Variants in PAK1 observed in about 807,000 individuals in gnomAD.
The protein encoded by PAK1 is p21 (RAC1) activated kinase 1.
Under a neutral mutation model 67.4 loss-of-function variants are expected in PAK1, and 29 were observed. The observed-to-expected ratio is 0.43, with a 90% CI of 0.32 to 0.59. The LOEUF (loss-of-function observed/expected upper bound fraction) is 0.59, where lower values mean the gene tolerates loss of function less well. Among genes scored for constraint, PAK1 ranks in the 20% least tolerant of loss-of-function variants. The pLI, the probability that PAK1 is intolerant of heterozygous loss-of-function variation, is 0.07. For synonymous variants in PAK1, 223 were observed against 237.4 expected, an observed-to-expected ratio of 0.94 and a Z score of 0.56; for missense variants, 337 against 670.7, an observed-to-expected ratio of 0.50 and a Z score of 5.50.
At chr11:77,402,412 GA>G (rs1297397651) in intron 1 of PAK1, among the ~76,000 whole-genome samples, 2 of 152,120 alleles carry the variant, frequency 1.3e-5, no homozygotes, top group Admixed American at 6.5e-5. Flanking sequence ...GTTACTTCCA[GA>G]AACCAATATT....
intron 1 of PAK1, among the ~76,000 whole-genome samples, chr11:77,433,462 A>G (rs1955956125): frequency 6.6e-6 from 1 of 152,194 alleles, no homozygotes; most frequent in Non-Finnish European, 1.5e-5. Flanking sequence ...TGTATCCAGG[A>G]TATATAAAGA....
intron 1 of PAK1, among the ~76,000 whole-genome samples, chr11:77,399,171 A>G (rs2137634700): frequency 6.6e-6 from 1 of 152,360 alleles, no homozygotes; most frequent in East Asian, 1.9e-4. Flanking sequence ...AGGAAGACAG[A>G]TAGATAGGTA....
At chr11:77,330,011 T>C (rs1189680551) in intron 14 of PAK1, among the ~76,000 whole-genome samples, 3 of 151,904 alleles carry the variant, frequency 2.0e-5, no homozygotes, top group Non-Finnish European at 2.9e-5. Flanking sequence ...GAGAGCCAAA[T>C]CATGAGTGAA....
intron 5 of PAK1, among the ~76,000 whole-genome samples, chr11:77,367,806 G>A (rs1249801546): frequency 6.6e-5 from 10 of 152,148 alleles, no homozygotes; most frequent in East Asian, 5.8e-4. Context: ...GTGAAACCCC[G>A]TCTCTACTAA....
rs1387801499 is a variant in PAK1, at chr11:77,422,606, T to C, written c.-21-30065A>G. Among the ~76,000 whole-genome samples, 9 of 151,188 alleles carry C rather than the reference T, an allele frequency of 6.0e-5. No individual in the cohort carries two copies. In the East Asian group the frequency reaches 1.2e-3, roughly 20 times the overall value. On this transcript the variant is annotated intron_variant, in intron 1 of 14. Coordinates refer to ENST00000356341, the MANE Select transcript of PAK1 (RefSeq NM_002576.5). Reference sequence around the variant, plus strand: ...CAATGACTTTCAAATCCCTAATCAATATCCATTCATCCCTTCATCCTTGCC... The same window carrying C: ...CAATGACTTTCAAATCCCTAATCAACATCCATTCATCCCTTCATCCTTGCC...
the PAK1 span, among the ~76,000 whole-genome samples, chr11:77,520,008 C>A: frequency 3.9e-5 from 6 of 152,074 alleles, no homozygotes; most frequent in African/African-American, 7.2e-5. Flanking sequence ...TGTGGCCCCC[C>A]CCTCCGCCCG....
intron 5 of PAK1, among the ~76,000 whole-genome samples, chr11:77,371,792 T>C (rs1177070206): frequency 2.0e-5 from 3 of 152,226 alleles, no homozygotes; most frequent in Non-Finnish European, 2.9e-5. Context: ...TTAGTGGTTT[T>C]AATTGTAGAT....
At chr11:77,352,042 TG>T (rs1291647695) in intron 8 of PAK1, among the ~76,000 whole-genome samples, 1 of 152,170 alleles carries the variant, frequency 6.6e-6, no homozygotes, top group African/African-American at 2.4e-5. Context: ...ATAACTACAC[TG>T]TTCTGACTTC....
At chr11:77,362,287 A>T (rs900014718) in intron 5 of PAK1, among the ~76,000 whole-genome samples, 3 of 152,188 alleles carry the variant, frequency 2.0e-5, no homozygotes, top group African/African-American at 7.2e-5. Context: ...TCTTCTTGCA[A>T]CTTCCTCAAT....
chr11:77,325,402 G>A (rs1201174171), intron 14 of PAK1: 10 of 1,610,188 alleles, frequency 6.2e-6, no homozygotes, highest in African/African-American at 1.3e-5. Flanking sequence ...TAGAACCTAT[G>A]ACTCACAGAG....
At chr11:77,445,646 C>T (rs1346146884) in intron 1 of PAK1, among the ~76,000 whole-genome samples, 3 of 152,170 alleles carry the variant, frequency 2.0e-5, no homozygotes, top group Non-Finnish European at 4.4e-5. Context: ...ATCACTTTTC[C>T]TACTTCCCTA....
At chr11:77,491,359 G>C in the PAK1 span, among the ~76,000 whole-genome samples, 1 of 151,964 alleles carries the variant, frequency 6.6e-6, no homozygotes, top group Non-Finnish European at 1.5e-5. Flanking sequence ...AAAGCAGGGG[G>C]ATGAAGCTAA....
At chr11:77,424,137 G>A (rs547674870) in intron 1 of PAK1, among the ~76,000 whole-genome samples, 10 of 152,296 alleles carry the variant, frequency 6.6e-5, no homozygotes, top group African/African-American at 2.4e-4. Context: ...GGGTACCACC[G>A]TCACTTCTGG....
chr11:77,354,605 A>G (rs1339012877), intron 7 of PAK1, among the ~76,000 whole-genome samples: 1 of 152,228 alleles, frequency 6.6e-6, no homozygotes, highest in Non-Finnish European at 1.5e-5. Context: ...TTTAGAGAAC[A>G]AGACTACATA....
At chr11:77,377,648 A>C (rs1218770533) in intron 4 of PAK1, among the ~76,000 whole-genome samples, 1 of 152,188 alleles carries the variant, frequency 6.6e-6, no homozygotes, top group Admixed American at 6.5e-5. Flanking sequence ...TTAATTCCAA[A>C]TATATGCAAA....
intron 14 of PAK1, among the ~76,000 whole-genome samples, chr11:77,330,834 C>A (rs1365818949): frequency 6.6e-6 from 1 of 152,156 alleles, no homozygotes; most frequent in Non-Finnish European, 1.5e-5. Context: ...AAACCACCAT[C>A]AGAGTGAACA....
chr11:77,330,156 C>T (rs1273622992), intron 14 of PAK1, among the ~76,000 whole-genome samples: 1 of 152,128 alleles, frequency 6.6e-6, no homozygotes, highest in Non-Finnish European at 1.5e-5. Context: ...AATGGAAGAA[C>T]GTTCCATACT....
chr11:77,359,124 AAATACAC>A, intron 5 of PAK1, 107 bp from the exon 6 acceptor site: 1 of 970,210 alleles, frequency 1.0e-6, no homozygotes, highest in Non-Finnish European at 1.5e-6. Context: ...ATCCCTTCTG[AAATACAC>A]ATTAGCCTCC....
chr11:77,365,181 G>A (rs558229541), intron 5 of PAK1, among the ~76,000 whole-genome samples: 3 of 150,830 alleles, frequency 2.0e-5, no homozygotes, highest in Admixed American at 6.6e-5. Flanking sequence ...GAACTCAGGA[G>A]GCAGAGGTTG....
Sources: gnomAD v4.1 joint callset for allele counts (sites outside exome capture counted in the v4.1 genomes callset) on GRCh38, gnomAD v4.1.1 for gene constraint, MANE v1.5 for transcripts, NCBI Gene and HGNC (gene_info 2026-07-23, HGNC 2026-07-21) for gene names.